ZNF33B: variants seen among roughly 807,000 people sequenced by gnomAD.
ZNF33B encodes zinc finger protein 33B, also known as zinc finger protein 11b (KOX 2).
ZNF33B carries 29 observed loss-of-function variants against 45.8 expected under a neutral mutation model. The observed-to-expected ratio is 0.63, with a 90% CI of 0.47 to 0.86. The LOEUF is 0.86. Ranked by LOEUF, ZNF33B falls within the 40% of genes least tolerant of loss-of-function variation. ZNF33B has a pLI of 0.00. For missense variants in ZNF33B, 831 were observed against 909.9 expected (o/e 0.91, Z 1.12); for synonymous variants, 305 against 307.8 (o/e 0.99, Z 0.10).
intron 4 of ZNF33B, 113 bp downstream of exon 4, chr10:42,631,816 G>A (rs547336436): frequency 6.5e-5 from 55 of 840,152 alleles, no homozygotes; most frequent in African/African-American, 6.0e-4. Context: ...CCAGAGGTTA[G>A]GACCCCTATG....
At chr10:42,636,280 G>A (rs963482814) in intron 2 of ZNF33B, among the ~76,000 whole-genome samples, 8 of 152,160 alleles carry the variant, frequency 5.3e-5, no homozygotes, top group African/African-American at 9.7e-5. Flanking sequence ...GCTAACACTG[G>A]AAGGTTATTC....
chr10:42,586,808 G>A (rs1378043426), downstream of ZNF33B, among the ~76,000 whole-genome samples: 2 of 152,186 alleles, frequency 1.3e-5, no homozygotes, highest in Non-Finnish European at 1.5e-5. Flanking sequence ...ATTTCCAAGA[G>A]ACATTTTGTC....
At chr10:42,611,510 T>C (rs1838094242) in intron 4 of ZNF33B, among the ~76,000 whole-genome samples, 2 of 152,172 alleles carry the variant, frequency 1.3e-5, no homozygotes, top group Admixed American at 1.3e-4. Flanking sequence ...AAAGAAAATA[T>C]AGGAGTGGAT....
chr10:42,592,650 T>C lies in ZNF33B; in HGVS notation c.2300A>G (p.His767Arg). The change falls in exon 5 of 5, where the codon CAT becomes CGT. Residue 767 changes from histidine to arginine, a missense_variant. His to Arg is a conservative substitution (Grantham distance 29). Coordinates refer to ENST00000359467, the MANE Select transcript of ZNF33B (RefSeq NM_006955.3). Reference sequence around the variant, plus strand: ...TTTTTCTCCTATGTGTGTTCTCTGATGTACAATGAGATTTGACTTTTGAGA... The same window carrying C: ...TTTTTCTCCTATGTGTGTTCTCTGACGTACAATGAGATTTGACTTTTGAGA... ...TFSQKSNLIV[H>R]QRTHIGEKPY... 3 of 1,614,022 alleles carry C rather than the reference T, an allele frequency of 1.9e-6. No individual in the cohort carries two copies. The highest frequency in any genetic ancestry group is 2.5e-6 in the Non-Finnish European group (3 of 1,179,912).
chr10:42,626,685 C>CTAAAAAA (rs372235711), intron 4 of ZNF33B, among the ~76,000 whole-genome samples: 1 of 142,388 alleles, frequency 7.0e-6, no homozygotes, highest in Non-Finnish European at 1.5e-5. Flanking sequence ...AAGACTCCAT[C>CTAAAAAA]TAAATAAATA....
At chr10:42,635,496 G>C (rs111703724) in intron 2 of ZNF33B, among the ~76,000 whole-genome samples, 1 of 152,018 alleles carries the variant, frequency 6.6e-6, no homozygotes, top group African/African-American at 2.4e-5. Flanking sequence ...AAAATGTAGG[G>C]GTTTTTCCAT....
rs749673446 is a variant in ZNF33B at position 42,632,249 on chromosome 10, A to T, written c.154+46T>A. The T allele has an allele frequency of 1.9e-6, 3 of 1,577,660 alleles. No homozygotes were observed. The Admixed American group carries it at 5.8e-5, about 30-fold the overall frequency. On this transcript the variant is annotated intron_variant, in intron 3 of 4. Transcript: ENST00000359467. ...CAGACTGCCTATATGTTTTATAATCAAAATAAACGAATGCTATTTAGAATG... is the reference window on the plus strand; with the variant it reads ...CAGACTGCCTATATGTTTTATAATCTAAATAAACGAATGCTATTTAGAATG...
rs187515251 is a variant in ZNF33B at position 42,582,693 on chromosome 10, G to A, written c.74-8015C>T. 356 of 161,120 alleles carry A rather than the reference G, an allele frequency of 2.2e-3. 1 individual carries two copies. The highest frequency in any genetic ancestry group is 2.8e-3 in the Non-Finnish European group (209 of 73,354). The allele number at this position is 161,120 out of a possible 1,614,324, so 10.0% of individuals were successfully genotyped here. On this transcript the variant is annotated intron_variant, in intron 1 of 1. Transcript: ENST00000462075. ...TACTTAAAATTATGTAGACTAAATC[G>A]GATAAAACTTGAATCTTCTTTTCCC...
intron 4 of ZNF33B, among the ~76,000 whole-genome samples, chr10:42,615,378 A>T (rs1838270323): frequency 6.6e-6 from 1 of 152,240 alleles, no homozygotes; most frequent in South Asian, 2.1e-4. Flanking sequence ...ATACCATGTT[A>T]TATGGTAATA....
At chr10:42,600,543 A>C (rs1260193322) in intron 4 of ZNF33B, among the ~76,000 whole-genome samples, 1 of 152,070 alleles carries the variant, frequency 6.6e-6, no homozygotes, top group Non-Finnish European at 1.5e-5. Context: ...CTTTTTGTTT[A>C]TCTATTTGTC....
intron 4 of ZNF33B, among the ~76,000 whole-genome samples, chr10:42,618,991 C>A (rs1234224219): frequency 1.3e-5 from 2 of 152,118 alleles, no homozygotes; most frequent in African/African-American, 4.8e-5. Context: ...GCATGGGTCA[C>A]ATTTTTCCTG....
At position 42,594,779 on chromosome 10, in the gene ZNF33B, A is replaced by G. The variant is rs148743220; in HGVS notation, c.251-80T>C. The stretch of plus-strand genomic sequence containing the variant: ...AATGAAATCTCTACACAAATGCCCT[A>G]TGTTGTAGCTGACTCTGGTTTTTTG... On this transcript the variant is annotated intron_variant, in intron 4 of 4. Transcript: ENST00000359467. 3.5e-3 allele frequency: 4,989 copies of G among 1,430,882 alleles called. 24 individuals are homozygous for G. The highest frequency in any genetic ancestry group is 0.016 in the South Asian group (1,004 of 61,456). 88.6% of individuals were successfully genotyped at this position (1,430,882 alleles called of 1,614,324 possible). A position where few individuals can be genotyped will look rare whatever the true frequency, so the allele number is the denominator to read the frequency against.
At chr10:42,583,143 G>A in intron 1 of ZNF33B, 1 of 789,522 alleles carries the variant, frequency 1.3e-6, no homozygotes, top group South Asian at 1.3e-5. Flanking sequence ...AGTAAGCATG[G>A]TGAGAACAAT....
downstream of ZNF33B, among the ~76,000 whole-genome samples, chr10:42,586,950 A>G (rs1836948022): frequency 6.6e-6 from 1 of 151,928 alleles, no homozygotes; most frequent in Non-Finnish European, 1.5e-5. Flanking sequence ...ATGAAAGGTG[A>G]GTATCCAGTA....
At position 42,622,131 on chromosome 10, in the gene ZNF33B, G is replaced by A. The variant is rs577090074; in HGVS notation, c.250+9798C>T. Reference sequence around the variant, plus strand: ...ACTATCTAGAAATAAAGTTAACCAAGAAGGTGCAAGACTTGTATACTAAAA... The same window carrying A: ...ACTATCTAGAAATAAAGTTAACCAAAAAGGTGCAAGACTTGTATACTAAAA... On this transcript the variant is annotated intron_variant, in intron 4 of 4. Transcript: ENST00000359467. Among the ~76,000 whole-genome samples the A allele has an allele frequency of 2.6e-5, 4 of 152,260 alleles. No individual in the cohort carries two copies. The East Asian group carries it at 7.7e-4, about 29-fold the overall frequency.
chr10:42,586,370 C>T (rs576469957), downstream of ZNF33B, among the ~76,000 whole-genome samples: 5 of 151,976 alleles, frequency 3.3e-5, no homozygotes, highest in Non-Finnish European at 7.4e-5. Flanking sequence ...AGGATGGTCT[C>T]GATCTCCTGA....
chr10:42,592,051 T>C lies in ZNF33B; in HGVS notation c.*562A>G, dbSNP rs1277486898. The C allele has an allele frequency of 6.5e-6, 1 of 153,374 alleles. No homozygotes were observed. The highest frequency in any genetic ancestry group is 2.4e-5 in the African/African-American group (1 of 41,448). The allele number at this position is 153,374 out of a possible 1,614,324, so 9.5% of individuals were successfully genotyped here. ...CTTGGACTTGACCATATACTATGAT[T>C]ATATATTATCCTTAGAGGAAGCTTG... On this transcript the variant is annotated 3_prime_UTR_variant, in exon 5 of 5. Coordinates refer to ENST00000359467, the MANE Select transcript of ZNF33B (RefSeq NM_006955.3).
chr10:42,617,427 T>C (rs559069860), intron 4 of ZNF33B, among the ~76,000 whole-genome samples: 470 of 152,252 alleles, frequency 3.1e-3, no homozygotes, highest in Non-Finnish European at 6.0e-3. Flanking sequence ...TGAATTGACA[T>C]GCAGCTGGAA....
chr10:42,632,097 T>C, intron 3 of ZNF33B, 73 bp from the exon 4 acceptor site: 2 of 1,533,532 alleles, frequency 1.3e-6, no homozygotes, highest in East Asian at 2.3e-5. Flanking sequence ...GGAAGAAGCT[T>C]CTGGGGCTGC....
Sources: gnomAD v4.1 joint callset for allele counts (sites outside exome capture counted in the v4.1 genomes callset) on GRCh38, gnomAD v4.1.1 for gene constraint, MANE v1.5 for transcripts, NCBI Gene and HGNC (gene_info 2026-07-23, HGNC 2026-07-21) for gene names.